SYT9: variants seen among roughly 807,000 people sequenced by gnomAD.
The protein encoded by SYT9 is synaptotagmin-9.
A neutral mutation model predicts 48.4 loss-of-function variants in SYT9; 22 were observed. The observed-to-expected ratio is 0.45, with a 90% CI of 0.32 to 0.65. SYT9 has a LOEUF of 0.65. Ranked by LOEUF, SYT9 falls within the 30% of genes least tolerant of loss-of-function variation. SYT9 has a pLI of 0.03. For missense variants in SYT9, 577 were observed against 622.0 expected, an observed-to-expected ratio of 0.93 and a Z score of 0.77; for synonymous variants, 265 against 245.0, an observed-to-expected ratio of 1.08 and a Z score of -0.76.
intron 1 of SYT9, among the ~76,000 whole-genome samples, chr11:7,274,581 G>A (rs946445573): frequency 2.6e-5 from 4 of 152,196 alleles, no homozygotes; most frequent in Non-Finnish European, 4.4e-5. Context: ...GCCTCAGGAA[G>A]TGTTGGGATT....
At chr11:7,307,831 A>G (rs767270370) in intron 2 of SYT9, among the ~76,000 whole-genome samples, 1 of 152,244 alleles carries the variant, frequency 6.6e-6, no homozygotes, top group Non-Finnish European at 1.5e-5. Context: ...GGCTCATCTT[A>G]GTTATGGAGG....
At chr11:7,270,484 T>C (rs529410384) in intron 1 of SYT9, among the ~76,000 whole-genome samples, 2 of 152,272 alleles carry the variant, frequency 1.3e-5, no homozygotes, top group Non-Finnish European at 2.9e-5. Context: ...GCAAACCCAT[T>C]AGTGGTCATT....
intron 1 of SYT9, among the ~76,000 whole-genome samples, chr11:7,285,280 A>G (rs1263390684): frequency 6.6e-6 from 1 of 152,180 alleles, no homozygotes; most frequent in Non-Finnish European, 1.5e-5. Flanking sequence ...GCCTCAGGAA[A>G]CTTACAATCA....
intron 6 of SYT9, among the ~76,000 whole-genome samples, chr11:7,463,673 C>A (rs1432431835): frequency 2.6e-5 from 4 of 152,184 alleles, no homozygotes; most frequent in Non-Finnish European, 5.9e-5. Context: ...TTAATCCTGT[C>A]ATCTTGTGGG....
chr11:7,383,051 T>C (rs1329834206), intron 3 of SYT9, among the ~76,000 whole-genome samples: 3 of 152,244 alleles, frequency 2.0e-5, no homozygotes, highest in Admixed American at 2.0e-4. Flanking sequence ...GAAGGACTTT[T>C]TGCCAATCTT....
intron 3 of SYT9, among the ~76,000 whole-genome samples, chr11:7,399,696 C>G (rs1054982214): frequency 1.3e-5 from 2 of 151,712 alleles, no homozygotes; most frequent in African/African-American, 4.9e-5. Flanking sequence ...GATGAGACAT[C>G]CTCTATAGGA....
At chr11:7,353,687 G>A (rs537486520) in intron 3 of SYT9, among the ~76,000 whole-genome samples, 2 of 132,398 alleles carry the variant, frequency 1.5e-5, no homozygotes, top group African/African-American at 5.1e-5. Context: ...TCATTAGTTC[G>A]ATCCTCTGTT....
At chr11:7,316,060 G>T (rs959219882) in intron 3 of SYT9, among the ~76,000 whole-genome samples, 1 of 116,202 alleles carries the variant, frequency 8.6e-6, no homozygotes, top group African/African-American at 3.0e-5. Context: ...GTTATTTGGG[G>T]TTGTGGGGTT....
chr11:7,372,565 C>G (rs1850381755), intron 3 of SYT9, among the ~76,000 whole-genome samples: 1 of 152,160 alleles, frequency 6.6e-6, no homozygotes, highest in African/African-American at 2.4e-5. Context: ...GGGGGAATCT[C>G]TCTATGTTGC....
intron 6 of SYT9, among the ~76,000 whole-genome samples, chr11:7,429,981 A>G (rs965433444): frequency 6.6e-6 from 1 of 152,164 alleles, no homozygotes; most frequent in Non-Finnish European, 1.5e-5. Flanking sequence ...CACTCCCTTG[A>G]GCTGATAAAG....
At chr11:7,298,739 G>T (rs533866794) in intron 1 of SYT9, among the ~76,000 whole-genome samples, 1 of 152,104 alleles carries the variant, frequency 6.6e-6, no homozygotes, top group South Asian at 2.1e-4. Flanking sequence ...TGTCATGGGT[G>T]TCTTCTATCT....
At chr11:7,461,211 A>AGAT (rs1283229945) in intron 6 of SYT9, 1 of 152,122 alleles carries the variant, frequency 6.6e-6, no homozygotes, top group African/African-American at 2.4e-5. Context: ...TGATTTGGGT[A>AGAT]GATGGAATTA....
At chr11:7,403,869 CT>C (rs1191610520) in intron 3 of SYT9, among the ~76,000 whole-genome samples, 16 of 152,100 alleles carry the variant, frequency 1.1e-4, no homozygotes, top group Non-Finnish European at 2.4e-4. Flanking sequence ...GTATTCAAAT[CT>C]CTGACTATAA....
At chr11:7,404,912 G>A (rs751805556) in intron 3 of SYT9, among the ~76,000 whole-genome samples, 3 of 152,086 alleles carry the variant, frequency 2.0e-5, no homozygotes, top group South Asian at 4.1e-4. Context: ...TAGATCGACA[G>A]ATAGAGAATT....
At chr11:7,398,988 A>T (rs1463547654) in intron 3 of SYT9, among the ~76,000 whole-genome samples, 1 of 152,128 alleles carries the variant, frequency 6.6e-6, no homozygotes, top group African/African-American at 2.4e-5. Context: ...GATGCTCCAT[A>T]TAGGGCCAAG....
intron 3 of SYT9, among the ~76,000 whole-genome samples, chr11:7,401,118 G>A (rs1219412159): frequency 1.3e-5 from 2 of 151,956 alleles, no homozygotes; most frequent in African/African-American, 4.8e-5. Flanking sequence ...TTTTCCACAG[G>A]AATATCTGAG....
At chr11:7,292,244 A>G (rs1848708312) in intron 1 of SYT9, among the ~76,000 whole-genome samples, 1 of 152,216 alleles carries the variant, frequency 6.6e-6, no homozygotes, top group African/African-American at 2.4e-5. Context: ...GATCAAAGCA[A>G]GACAAGATCT....
intron 3 of SYT9, among the ~76,000 whole-genome samples, chr11:7,364,066 C>G (rs2134019833): frequency 1.3e-5 from 2 of 152,142 alleles, no homozygotes; most frequent in South Asian, 4.2e-4. Flanking sequence ...ACAGAGAATT[C>G]AGTGGGAAAG....
chr11:7,453,629 G>C (rs899903041), intron 6 of SYT9, among the ~76,000 whole-genome samples: 2 of 152,214 alleles, frequency 1.3e-5, no homozygotes, highest in Non-Finnish European at 2.9e-5. Context: ...GCAGTGATGG[G>C]GCACTCCTTT....
Sources: gnomAD v4.1 joint callset for allele counts (sites outside exome capture counted in the v4.1 genomes callset) on GRCh38, gnomAD v4.1.1 for gene constraint, MANE v1.5 for transcripts, NCBI Gene and HGNC (gene_info 2026-07-23, HGNC 2026-07-21) for gene names.